Variants in PLCZ1 observed in about 807,000 individuals in gnomAD.
The protein encoded by PLCZ1 is phospholipase C zeta 1, also known as 1-phosphatidylinositol 4,5-bisphosphate phosphodiesterase zeta-1.
In PLCZ1, 64 loss-of-function variants were observed where a neutral mutation model predicts 76.8. That is an observed-to-expected ratio of 0.83 (90% CI 0.68 to 1.03). PLCZ1 has a LOEUF of 1.03. PLCZ1 is among the 50% of genes least tolerant of loss of function. PLCZ1 has a pLI of 0.00. For missense variants in PLCZ1, 751 were observed against 713.7 expected (o/e 1.05, Z -0.60); for synonymous variants, 248 against 230.8 (o/e 1.07, Z -0.68).
chr12:18,733,329 G>A (rs1291890276), intron 3 of PLCZ1, among the ~76,000 whole-genome samples: 1 of 152,022 alleles, frequency 6.6e-6, no homozygotes, highest in Admixed American at 6.6e-5. Context: ...TGGAGTTGTG[G>A]GATTCAATTT....
intron 4 of PLCZ1, among the ~76,000 whole-genome samples, chr12:18,722,050 G>A (rs1226874180): frequency 6.6e-6 from 1 of 151,942 alleles, no homozygotes; most frequent in Admixed American, 6.6e-5. Flanking sequence ...ATTCAATTCA[G>A]ATTTAATGCT....
At chr12:18,687,391 C>T (rs1172021273) in intron 13 of PLCZ1, among the ~76,000 whole-genome samples, 1 of 152,134 alleles carries the variant, frequency 6.6e-6, no homozygotes, top group Non-Finnish European at 1.5e-5. Context: ...AGATTCCAGA[C>T]TCAAGAATCA....
chr12:18,651,339 A>C, the PLCZ1 span, among the ~76,000 whole-genome samples: 1 of 152,106 alleles, frequency 6.6e-6, no homozygotes, highest in Non-Finnish European at 1.5e-5. Context: ...GAGATGTTGC[A>C]AGCTGCCCTG....
the PLCZ1 span, among the ~76,000 whole-genome samples, chr12:18,651,166 G>A: frequency 6.6e-6 from 1 of 151,950 alleles, no homozygotes; most frequent in East Asian, 2.0e-4. Flanking sequence ...TGTATCTCCT[G>A]GACACTCCAG....
At chr12:18,651,088 ATC>A in the PLCZ1 span, among the ~76,000 whole-genome samples, 2 of 151,854 alleles carry the variant, frequency 1.3e-5, no homozygotes, top group African/African-American at 4.8e-5. Context: ...TCCCATCCTC[ATC>A]TCTCTGATTT....
chr12:18,654,029 T>C, the PLCZ1 span, among the ~76,000 whole-genome samples: 1 of 152,008 alleles, frequency 6.6e-6, no homozygotes, highest in Admixed American at 6.6e-5. Context: ...TTTCTTACTA[T>C]CAGAGCAATG....
intron 5 of PLCZ1, 40 bp from the exon 6 acceptor site, chr12:18,713,026 C>T (rs1020034556): frequency 2.5e-6 from 4 of 1,610,154 alleles, no homozygotes; most frequent in South Asian, 1.1e-5. Context: ...ACTCCTGGAC[C>T]ATTAAAAATA....
At chr12:18,664,844 C>A in the PLCZ1 span, among the ~76,000 whole-genome samples, 1 of 151,528 alleles carries the variant, frequency 6.6e-6, no homozygotes, top group East Asian at 1.9e-4. Context: ...ATGATGAGTT[C>A]ATGTCCTTTG....
chr12:18,672,255 C>CAACT, the PLCZ1 span, among the ~76,000 whole-genome samples: 1 of 152,102 alleles, frequency 6.6e-6, no homozygotes, highest in Non-Finnish European at 1.5e-5. Flanking sequence ...TGAGAAAATA[C>CAACT]AACTGTCTTA....
intron 12 of PLCZ1, among the ~76,000 whole-genome samples, chr12:18,688,610 A>T (rs116469942): frequency 0.088 from 13,348 of 151,848 alleles, 691 homozygotes; most frequent in African/African-American, 0.14. Context: ...ATTACTTTTT[A>T]AAAAATGTAC....
At chr12:18,664,025 G>T in the PLCZ1 span, among the ~76,000 whole-genome samples, 1 of 152,120 alleles carries the variant, frequency 6.6e-6, no homozygotes, top group Non-Finnish European at 1.5e-5. Flanking sequence ...CATTGAAAAT[G>T]CAAATCAAAA....
the PLCZ1 span, among the ~76,000 whole-genome samples, chr12:18,652,266 A>C: frequency 6.6e-6 from 1 of 152,150 alleles, no homozygotes; most frequent in Non-Finnish European, 1.5e-5. Context: ...GTCACATATA[A>C]GTATATGACT....
intron 2 of PLCZ1, 136 bp from the exon 3 acceptor site, chr12:18,736,480 T>C (rs1592309095): frequency 5.0e-6 from 6 of 1,196,808 alleles, no homozygotes; most frequent in Non-Finnish European, 4.5e-6. Context: ...TATAATTGTA[T>C]GATAAATATT....
the PLCZ1 span, among the ~76,000 whole-genome samples, chr12:18,660,368 G>C: frequency 6.6e-6 from 1 of 152,140 alleles, no homozygotes; most frequent in African/African-American, 2.4e-5. Context: ...ACAAAGGTGG[G>C]AAGTTTTGTT....
the PLCZ1 span, among the ~76,000 whole-genome samples, chr12:18,676,084 A>T: frequency 6.6e-6 from 1 of 152,114 alleles, no homozygotes; most frequent in Admixed American, 6.6e-5. Context: ...TGTCTTTCTC[A>T]TTCTTCCTGC....
At position 18,735,205 on chromosome 12, in the gene PLCZ1, A is replaced by G. The variant is rs1388162564; in HGVS notation, c.135+1016T>C. On this transcript the variant is annotated intron_variant, in intron 3 of 14. Transcript: ENST00000266505. The stretch of plus-strand genomic sequence containing the variant: ...CTATGTTCATCAGGAATATTGGCCT[A>G]AAGTTTTGTTTTCTTGTGGTGCCTT... 2.0e-5 allele frequency among the ~76,000 whole-genome samples: 3 copies of G among 152,208 alleles called. No individual in the cohort carries two copies. In the East Asian group the frequency reaches 5.8e-4, roughly 29 times the overall value.
At chr12:18,649,733 AG>A in the PLCZ1 span, among the ~76,000 whole-genome samples, 1 of 152,218 alleles carries the variant, frequency 6.6e-6, no homozygotes, top group African/African-American at 2.4e-5. Flanking sequence ...GTTATTTTTC[AG>A]AACTATTCTG....
chr12:18,655,811 G>A, the PLCZ1 span, among the ~76,000 whole-genome samples: 2 of 71,794 alleles, frequency 2.8e-5, no homozygotes, highest in Admixed American at 3.3e-4. Context: ...CCAAATACTT[G>A]ACTAGTACTC....
chr12:18,683,276 G>A lies in PLCZ1; in HGVS notation c.1790C>T (p.Pro597Leu). Residue 597 changes from proline (P) to leucine (L), a missense_variant, in exon 15 of 15, where the codon CCT becomes CTT. By Grantham distance (98) the Pro-to-Leu change is moderately conservative. Transcript: ENST00000266505. Reference protein sequence around the residue: ...LFSRMGESLEPASLFVYVWYV... With the variant: ...LFSRMGESLELASLFVYVWYV... ...CCAAACATAAACAAACAGTGAAGCA[G>A]GCTCAAGGCTCTCACCCATTCTGGA... is the stretch of plus-strand genomic sequence containing the variant. 1 of 1,612,580 alleles carries A rather than the reference G, an allele frequency of 6.2e-7. No homozygotes were observed. Among genetic ancestry groups the A allele is most frequent in the Non-Finnish European group, 8.5e-7 (1 of 1,179,044 alleles).
Sources: gnomAD v4.1 joint callset for allele counts (sites outside exome capture counted in the v4.1 genomes callset) on GRCh38, gnomAD v4.1.1 for gene constraint, MANE v1.5 for transcripts, NCBI Gene and HGNC (gene_info 2026-07-23, HGNC 2026-07-21) for gene names.